Variants in KIAA0513 observed in about 807,000 individuals in gnomAD.
The protein encoded by KIAA0513 is uncharacterized protein KIAA0513.
In KIAA0513, 39 loss-of-function variants were observed where a neutral mutation model predicts 56.5. The observed-to-expected ratio is 0.69, with a 90% CI of 0.53 to 0.90. KIAA0513 has a LOEUF of 0.90. Ranked by LOEUF, KIAA0513 falls within the 40% of genes least tolerant of loss-of-function variation. The pLI is 0.00. For missense variants in KIAA0513, 591 were observed against 535.2 expected, an observed-to-expected ratio of 1.10 and a Z score of -1.03; for synonymous variants, 268 against 215.6, an observed-to-expected ratio of 1.24 and a Z score of -2.13.
intron 3 of KIAA0513, 139 bp from the exon 4 acceptor site, chr16:85,072,786 A>C: frequency 2.5e-6 from 2 of 792,628 alleles, no homozygotes; most frequent in Non-Finnish European, 4.2e-6. Flanking sequence ...GGTGGGTTCT[A>C]TAGTGCAGAG....
chr16:85,046,691 C>G (rs2073175696), intron 1 of KIAA0513, among the ~76,000 whole-genome samples: 1 of 152,192 alleles, frequency 6.6e-6, no homozygotes, highest in African/African-American at 2.4e-5. Context: ...TGTTCACTGC[C>G]TCTTTCCTTT....
intron 1 of KIAA0513, among the ~76,000 whole-genome samples, chr16:85,044,402 G>A (rs986865178): frequency 2.0e-5 from 3 of 152,154 alleles, no homozygotes; most frequent in African/African-American, 4.8e-5. Flanking sequence ...AGGGGGACAC[G>A]TTGACAATGT....
At position 85,086,768 on chromosome 16, in the gene KIAA0513, C is replaced by T. The variant is rs201411157; in HGVS notation, c.1091+44C>T. ...AAGCGGGAGGGGAGAGGGGGGAGGG[C>T]CCACCCTGTGAGCTGTCACACCTGG... On this transcript the variant is annotated intron_variant, in intron 11 of 12. Coordinates refer to ENST00000683363, the MANE Select transcript of KIAA0513 (RefSeq NM_001388359.1). 244 of 1,529,268 alleles carry T rather than the reference C, an allele frequency of 1.6e-4. No individual in the cohort carries two copies. In the African/African-American group the frequency reaches 2.2e-3, roughly 14 times the overall value. 94.7% of individuals were successfully genotyped at this position (1,529,268 alleles called of 1,614,324 possible).
At chr16:85,059,757 G>A (rs527623240) in intron 1 of KIAA0513, among the ~76,000 whole-genome samples, 3 of 152,316 alleles carry the variant, frequency 2.0e-5, no homozygotes, top group Admixed American at 1.3e-4. Flanking sequence ...AGCACGGCCA[G>A]GGAAGATCTT....
chr16:85,034,666 A>G (rs977551308), intron 1 of KIAA0513, among the ~76,000 whole-genome samples: 1 of 152,144 alleles, frequency 6.6e-6, no homozygotes, highest in Non-Finnish European at 1.5e-5. Flanking sequence ...GGTTGTTATT[A>G]TGGCTCATAT....
intron 7 of KIAA0513, 85 bp downstream of exon 7, chr16:85,078,540 T>C (rs2073693692): frequency 2.2e-6 from 3 of 1,333,528 alleles, no homozygotes; most frequent in Non-Finnish European, 2.1e-6. Flanking sequence ...CTCTGGGGCT[T>C]TCCTGCCTCC....
intron 3 of KIAA0513, 137 bp from the exon 4 acceptor site, chr16:85,072,788 A>T: frequency 1.2e-6 from 1 of 800,176 alleles, no homozygotes; most frequent in South Asian, 1.6e-5. Flanking sequence ...TGGGTTCTAT[A>T]GTGCAGAGGC....
At chr16:85,053,404 C>T (rs1378212048) in intron 1 of KIAA0513, among the ~76,000 whole-genome samples, 1 of 152,200 alleles carries the variant, frequency 6.6e-6, no homozygotes, top group Non-Finnish European at 1.5e-5. Flanking sequence ...TGTAAGTTAA[C>T]TGTATCTCTT....
At chr16:85,077,358 G>C (rs567475408) in intron 5 of KIAA0513, 67 bp from the exon 6 acceptor site, 1 of 1,473,308 alleles carries the variant, frequency 6.8e-7, no homozygotes, top group Admixed American at 1.8e-5. Flanking sequence ...CTCCCTCTGG[G>C]CCTCTGCAGT....
rs1025792336 is a variant in KIAA0513, at chr16:85,092,789, A to C, written c.*4464A>C. ...CACCCCGCCTGGCTCGCACAGGCTAAGACCACAGACAGAGCAGGGCTTCCC... is the reference window on the plus strand; with the variant it reads ...CACCCCGCCTGGCTCGCACAGGCTACGACCACAGACAGAGCAGGGCTTCCC... On this transcript the variant is annotated 3_prime_UTR_variant, in exon 13 of 13. Transcript: ENST00000683363. The C allele has an allele frequency of 3.3e-5, 5 of 152,312 alleles. No individual in the cohort carries two copies. The highest frequency in any genetic ancestry group is 1.2e-4 in the African/African-American group (5 of 41,458). 9.4% of individuals were successfully genotyped at this position (152,312 alleles called of 1,614,324 possible). A position where few individuals can be genotyped will look rare whatever the true frequency, so the allele number is the denominator to read the frequency against.
At chr16:85,031,725 G>A (rs542467877) in intron 1 of KIAA0513, among the ~76,000 whole-genome samples, 1 of 152,276 alleles carries the variant, frequency 6.6e-6, no homozygotes, top group South Asian at 2.1e-4. Flanking sequence ...CCAGCTTCCT[G>A]TCATTCAGGT....
rs147472698 is a variant in KIAA0513, at chr16:85,079,916, C to T, written c.902+913C>T. Among the ~76,000 whole-genome samples the T allele has an allele frequency of 6.3e-3, 960 of 152,290 alleles. 11 individuals carry two copies. Among genetic ancestry groups the T allele is most frequent in the African/African-American group, 0.022 (918 of 41,572 alleles). On this transcript the variant is annotated intron_variant, in intron 8 of 12. Coordinates refer to ENST00000683363, the MANE Select transcript of KIAA0513 (RefSeq NM_001388359.1). ...ATGGCCTGGCTCCGCAGATGATGGT[C>T]GTGCTGCGTTAATCTCTCTGAAGCC...
rs199760116 is a variant in KIAA0513, at chr16:85,079,028, G to A, written c.902+25G>A. ...GGTAAGGCCGAGCCCGCGGCTTCCC[G>A]TCACCCTCTTACTGACGGGGCCAGC... On this transcript the variant is annotated intron_variant, in intron 8 of 12. Coordinates refer to ENST00000683363, the MANE Select transcript of KIAA0513 (RefSeq NM_001388359.1). 1.8e-4 allele frequency: 286 copies of A among 1,614,022 alleles called. 2 individuals are homozygous for A. In the Middle Eastern group the frequency reaches 4.5e-3, roughly 25 times the overall value.
intron 1 of KIAA0513, among the ~76,000 whole-genome samples, chr16:85,055,001 C>A (rs938166293): frequency 3.3e-5 from 5 of 151,998 alleles, no homozygotes; most frequent in African/African-American, 1.2e-4. Context: ...CGGTTTACTG[C>A]AACCTCTGAC....
At position 85,091,235 on chromosome 16, in the gene KIAA0513, C is replaced by T. The variant is rs1198266464; in HGVS notation, c.*2910C>T. 6.6e-6 allele frequency: 1 copy of T among 152,240 alleles called. No homozygotes were observed. Among genetic ancestry groups the T allele is most frequent in the African/African-American group, 2.4e-5 (1 of 41,462 alleles). 9.4% of individuals were successfully genotyped at this position (152,240 alleles called of 1,614,324 possible). ...ACAACTCACACAAGTGAAAAGCTCC[C>T]TGCTTTGAAAACAGGACATGTTGAC... On this transcript the variant is annotated 3_prime_UTR_variant, in exon 13 of 13. Transcript: ENST00000683363.
At chr16:85,050,022 G>A (rs2073227618) in intron 1 of KIAA0513, among the ~76,000 whole-genome samples, 1 of 152,200 alleles carries the variant, frequency 6.6e-6, no homozygotes, top group Non-Finnish European at 1.5e-5. Context: ...TGTGAAAGAA[G>A]TACAGCCCGT....
rs373955518 is a variant in KIAA0513 at position 85,078,406 on chromosome 16, C to G, written c.783-9C>G. On this transcript the variant is annotated splice_polypyrimidine_tract_variant and intron_variant, in intron 6 of 12. Coordinates refer to ENST00000683363, the MANE Select transcript of KIAA0513 (RefSeq NM_001388359.1). ...CGCGTGTGTCATCATTGTGCCTTCT[C>G]TCCCTCAGGGAAGACGAGAACAAAC... is the stretch of plus-strand genomic sequence containing the variant. The G allele has an allele frequency of 5.0e-5, 80 of 1,613,868 alleles. No homozygotes were observed. The highest frequency in any genetic ancestry group is 2.2e-5 in the South Asian group (2 of 91,082).
chr16:85,040,528 T>A (rs2073091677), intron 1 of KIAA0513, among the ~76,000 whole-genome samples: 1 of 151,944 alleles, frequency 6.6e-6, no homozygotes, highest in African/African-American at 2.4e-5. Context: ...AGAATCTGCC[T>A]CAAAAAAAAG....
intron 1 of KIAA0513, among the ~76,000 whole-genome samples, chr16:85,047,966 G>A (rs2073194494): frequency 6.6e-6 from 1 of 152,204 alleles, no homozygotes; most frequent in Non-Finnish European, 1.5e-5. Context: ...CACATTCAGT[G>A]GGCAGGGAAG....
Sources: gnomAD v4.1 joint callset for allele counts (sites outside exome capture counted in the v4.1 genomes callset) on GRCh38, gnomAD v4.1.1 for gene constraint, MANE v1.5 for transcripts, NCBI Gene and HGNC (gene_info 2026-07-23, HGNC 2026-07-21) for gene names.